Variants in TGFBR3 observed in about 807,000 individuals in gnomAD.
TGFBR3 encodes the protein transforming growth factor beta receptor 3.
TGFBR3 carries 46 observed loss-of-function variants against 87.9 expected under a neutral mutation model. That is an observed-to-expected ratio of 0.52 (90% CI 0.41 to 0.67). The LOEUF (loss-of-function observed/expected upper bound fraction) is 0.67. Among genes scored for constraint, TGFBR3 ranks in the 30% least tolerant of loss-of-function variants. TGFBR3 has a pLI of 0.00. For missense variants in TGFBR3, 866 were observed against 1,041.9 expected, an observed-to-expected ratio of 0.83 and a Z score of 2.32; for synonymous variants, 381 against 391.6, an observed-to-expected ratio of 0.97 and a Z score of 0.32.
chr1:91,861,468 T>A lies in TGFBR3; in HGVS notation c.61+3A>T. 6.2e-7 allele frequency: 1 copy of A among 1,606,958 alleles called. No individual in the cohort carries two copies. The highest frequency in any genetic ancestry group is 1.7e-5 in the Admixed American group (1 of 60,014). The stretch of plus-strand genomic sequence containing the variant: ...AATATGCAATTTATATTATGCAACT[T>A]ACCTGCAGTGGCTAAACAGGAGCTC... On this transcript the variant is annotated splice_donor_region_variant and intron_variant, in intron 2 of 16. Coordinates refer to ENST00000212355, the MANE Select transcript of TGFBR3 (RefSeq NM_003243.5).
upstream of TGFBR3, among the ~76,000 whole-genome samples, chr1:91,890,443 C>T (rs1679420895): frequency 2.1e-5 from 1 of 48,452 alleles, no homozygotes; most frequent in African/African-American, 7.2e-5. Flanking sequence ...TTTTGAGACA[C>T]AGTTTCCGTC....
chr1:91,883,002 C>T (rs1679157137), intron 1 of TGFBR3, among the ~76,000 whole-genome samples: 1 of 152,124 alleles, frequency 6.6e-6, no homozygotes, highest in Admixed American at 6.5e-5. Flanking sequence ...AAGATGATGA[C>T]AGGATTGTGA....
At chr1:91,744,718 G>A (rs867646818) in intron 4 of TGFBR3, among the ~76,000 whole-genome samples, 6 of 152,162 alleles carry the variant, frequency 3.9e-5, no homozygotes, top group South Asian at 2.1e-4. Flanking sequence ...TGATTCTGAC[G>A]CATACTTGAG....
At position 91,722,110 on chromosome 1, in the gene TGFBR3, T is replaced by C. The variant is rs1254694420; in HGVS notation, c.920A>G (p.Glu307Gly). 6.2e-7 allele frequency: 1 copy of C among 1,613,926 alleles called. No individual in the cohort carries two copies. Among genetic ancestry groups the C allele is most frequent in the East Asian group, 2.2e-5 (1 of 44,826 alleles). ...TGATTTGGTCATTGTCATAGATCTT[T>C]CACTCTCTTTTCCAAAGCCAATACT... ...PNSIGFGKES[E>G]RSMTMTKSIR... Residue 307 changes from glutamate (E) to glycine (G), a missense_variant, in exon 8 of 17, where the codon GAA becomes GGA. Transcript: ENST00000212355.
At chr1:91,813,875 C>A (rs1014394651) in intron 2 of TGFBR3, among the ~76,000 whole-genome samples, 2 of 152,176 alleles carry the variant, frequency 1.3e-5, no homozygotes, top group African/African-American at 4.8e-5. Flanking sequence ...ATCAGGCATT[C>A]GTGAGATTCT....
At chr1:91,849,505 A>G (rs1677634975) in intron 2 of TGFBR3, among the ~76,000 whole-genome samples, 1 of 152,124 alleles carries the variant, frequency 6.6e-6, no homozygotes, top group Admixed American at 6.6e-5. Flanking sequence ...CCTTTGCTCA[A>G]TGTTCCTAGT....
chr1:91,682,096 A>ATTAT lies in TGFBR3; in HGVS notation c.*1639_*1642dup, dbSNP rs1173822891. ...TGTGTATATCTATCAGGTAAGTCATATTATTACTCAACGATTTGGTAAAAA... is the reference window on the plus strand; with the variant it reads ...TGTGTATATCTATCAGGTAAGTCATATTATTTATTACTCAACGATTTGGTAAAAA... On this transcript the variant is annotated 3_prime_UTR_variant, in exon 17 of 17. Transcript: ENST00000212355. The ATTAT allele has an allele frequency of 2.2e-6, 1 of 454,052 alleles. No homozygotes were observed. The allele number at this position is 454,052 out of a possible 1,614,324, so 28.1% of individuals were successfully genotyped here.
intron 2 of TGFBR3, among the ~76,000 whole-genome samples, chr1:91,800,239 A>T (rs200974695): frequency 0.025 from 3,185 of 128,830 alleles, 56 homozygotes; most frequent in Non-Finnish European, 0.034. Flanking sequence ...AAAAAAAAAA[A>T]AAATATATAT....
rs575273869 is a variant in TGFBR3, at chr1:91,716,305, G to T, written c.1797C>A (p.Asn599Lys). The part of the protein sequence containing the change: ...GNITFNMELY[N>K]TDLFLVPSQG... ...GGGAGGGCACCAAAAAGAGGTCAGT[G>T]TTGTATAGCTCCATGTTGAAGGTGA... Residue 599 changes from asparagine (N) to lysine (K), a missense_variant, in exon 12 of 17, where the codon AAC becomes AAA. By Grantham distance (94) the Asn-to-Lys change is moderately conservative (BLOSUM62 0). Coordinates refer to ENST00000212355, the MANE Select transcript of TGFBR3 (RefSeq NM_003243.5). 9 of 1,614,190 alleles carry T rather than the reference G, an allele frequency of 5.6e-6. No homozygotes were observed. Among genetic ancestry groups the T allele is most frequent in the South Asian group, 3.3e-5 (3 of 91,082 alleles).
At chr1:91,701,363 T>C (rs1671614744) in intron 14 of TGFBR3, among the ~76,000 whole-genome samples, 1 of 152,080 alleles carries the variant, frequency 6.6e-6, no homozygotes, top group South Asian at 2.1e-4. Context: ...CTAAAATGGC[T>C]TGATCTCCAC....
chr1:91,767,114 C>T lies in TGFBR3; in HGVS notation c.247-8364G>A, dbSNP rs1674213015. Among the ~76,000 whole-genome samples, 2 of 133,940 alleles carry T rather than the reference C, an allele frequency of 1.5e-5. 1 individual carries two copies. The allele number at this position is 133,940 out of a possible 152,430, so 87.9% of individuals were successfully genotyped here. A position where few individuals can be genotyped will look rare whatever the true frequency, so the allele number is the denominator to read the frequency against. On this transcript the variant is annotated intron_variant, in intron 3 of 16. Coordinates refer to ENST00000212355, the MANE Select transcript of TGFBR3 (RefSeq NM_003243.5). ...TTGCCACGCACGTTGGACAATGAACCTATTATGGCTGTAAGATCTCAATAA... is the reference window on the plus strand; with the variant it reads ...TTGCCACGCACGTTGGACAATGAACTTATTATGGCTGTAAGATCTCAATAA...
intron 3 of TGFBR3, among the ~76,000 whole-genome samples, chr1:91,769,397 A>G (rs1327475032): frequency 1.3e-5 from 2 of 151,976 alleles, no homozygotes; most frequent in Non-Finnish European, 2.9e-5. Context: ...CTCGGCCCAC[A>G]TTCTCCTCCT....
In TGFBR3 at chr1:91,800,354, G is replaced by GTGTA. The variant is rs1239418559; in HGVS notation, c.62-2884_62-2883insTACA. 4.0e-3 allele frequency among the ~76,000 whole-genome samples: 594 copies of GTGTA among 147,736 alleles called. 10 individuals carry two copies. The highest frequency in any genetic ancestry group is 0.014 in the African/African-American group (550 of 39,636). The stretch of plus-strand genomic sequence containing the variant: ...TATGTGTGTGTGTGTGTGTGTGTGT[G>GTGTA]TATATAAAAGCAGTTGTGGTGGTGC... On this transcript the variant is annotated intron_variant, in intron 2 of 16. Coordinates refer to ENST00000212355, the MANE Select transcript of TGFBR3 (RefSeq NM_003243.5).
intron 2 of TGFBR3, among the ~76,000 whole-genome samples, chr1:91,815,719 A>C (rs546878472): frequency 1.2e-4 from 19 of 152,380 alleles, no homozygotes; most frequent in African/African-American, 4.3e-4. Flanking sequence ...AAGGATAGCA[A>C]AGAATTCTAT....
At chr1:91,890,562 G>C (rs577281041), upstream of TGFBR3, among the ~76,000 whole-genome samples, 25 of 151,724 alleles carry the variant, frequency 1.6e-4, no homozygotes, top group Admixed American at 1.4e-3. Flanking sequence ...TGGGACTAAA[G>C]GCACACGCCA....
intron 3 of TGFBR3, among the ~76,000 whole-genome samples, chr1:91,774,835 G>A (rs1196064806): frequency 6.6e-6 from 1 of 152,086 alleles, no homozygotes; most frequent in Non-Finnish European, 1.5e-5. Flanking sequence ...CAGAAGCAAA[G>A]GAATAGAGAA....
chr1:91,721,537 G>T (rs555213713), intron 8 of TGFBR3, among the ~76,000 whole-genome samples: 9 of 152,288 alleles, frequency 5.9e-5, no homozygotes, highest in African/African-American at 2.2e-4. Context: ...TTCAGCTGGG[G>T]TAGTAACTCC....
intron 1 of TGFBR3, among the ~76,000 whole-genome samples, chr1:91,874,068 A>C (rs1022960135): frequency 6.6e-6 from 1 of 152,220 alleles, no homozygotes; most frequent in African/African-American, 2.4e-5. Flanking sequence ...CAAAACATAA[A>C]AATCCCTGCC....
At chr1:91,747,378 A>T (rs2100860425) in intron 4 of TGFBR3, among the ~76,000 whole-genome samples, 1 of 152,238 alleles carries the variant, frequency 6.6e-6, no homozygotes, top group Admixed American at 6.5e-5. Context: ...GGGGGCTCCC[A>T]CCCTTCACTG....
Sources: allele counts gnomAD v4.1 joint callset (sites outside exome capture counted in the v4.1 genomes callset), GRCh38; gene constraint gnomAD v4.1.1; transcripts MANE v1.5; gene names NCBI Gene and HGNC (gene_info 2026-07-23, HGNC 2026-07-21).